RAB27B: variants seen among roughly 807,000 people sequenced by gnomAD.
RAB27B encodes RAB27B, member RAS oncogene family, also known as ras-related protein Rab-27B.
Under a neutral mutation model 24.6 loss-of-function variants are expected in RAB27B, and 15 were observed. The ratio of observed to expected loss-of-function variants is 0.61; its 90% CI spans 0.41 to 0.94. The LOEUF (loss-of-function observed/expected upper bound fraction) is 0.94. Among genes scored for constraint, RAB27B ranks in the 40% least tolerant of loss-of-function variants. The pLI is 0.00. For missense variants in RAB27B, 261 were observed against 266.8 expected (o/e 0.98, Z 0.15); for synonymous variants, 105 against 92.5 (o/e 1.14, Z -0.78).
chr18:54,775,375 T>A (rs914830779), intron 2 of RAB27B, among the ~76,000 whole-genome samples: 1 of 152,204 alleles, frequency 6.6e-6, no homozygotes, highest in African/African-American at 2.4e-5. Flanking sequence ...CAGGGTAGAT[T>A]TCTTGGCCTA....
At chr18:54,862,578 C>T (rs1912050796) in intron 1 of RAB27B, among the ~76,000 whole-genome samples, 2 of 152,200 alleles carry the variant, frequency 1.3e-5, no homozygotes, top group African/African-American at 4.8e-5. Context: ...TGCTCTTCTG[C>T]TGATTCCTAC....
chr18:54,884,252 T>C, intron 3 of RAB27B, 81 bp from the exon 4 acceptor site: 5 of 862,204 alleles, frequency 5.8e-6, no homozygotes, highest in Non-Finnish European at 7.6e-6. Context: ...AATTCATACC[T>C]GAAAGGGAAA....
intron 1 of RAB27B, among the ~76,000 whole-genome samples, chr18:54,871,713 G>A (rs1469392054): frequency 6.6e-6 from 1 of 152,000 alleles, no homozygotes; most frequent in Non-Finnish European, 1.5e-5. Flanking sequence ...GGCCGGGCGT[G>A]GTGGCGGGCA....
Position 54,893,659 on chromosome 18 carries a change from A to G in RAB27B, c.*4246A>G, listed in dbSNP as rs1419785523. On this transcript the variant is annotated 3_prime_UTR_variant, in exon 6 of 6. Coordinates refer to ENST00000262094, the MANE Select transcript of RAB27B (RefSeq NM_004163.4). Reference sequence around the variant, plus strand: ...ATTTCAATGCTTTATAAATCCATGAAGCTGCTTGTCTCATAAAGTAGAACT... The same window carrying G: ...ATTTCAATGCTTTATAAATCCATGAGGCTGCTTGTCTCATAAAGTAGAACT... The G allele has an allele frequency of 6.6e-6, 1 of 151,974 alleles. No individual in the cohort carries two copies. Among genetic ancestry groups the G allele is most frequent in the Non-Finnish European group, 1.5e-5 (1 of 67,926 alleles). 9.4% of individuals were successfully genotyped at this position (151,974 alleles called of 1,614,324 possible). A position where few individuals can be genotyped will look rare whatever the true frequency, so the allele number is the denominator to read the frequency against.
chr18:54,799,013 A>C (rs948486659), intron 2 of RAB27B, among the ~76,000 whole-genome samples: 5 of 152,210 alleles, frequency 3.3e-5, no homozygotes, highest in Non-Finnish European at 7.3e-5. Flanking sequence ...CTTTTATTCA[A>C]ATTTTCTGGC....
chr18:54,808,002 A>G (rs1352222411), intron 2 of RAB27B, among the ~76,000 whole-genome samples: 1 of 152,204 alleles, frequency 6.6e-6, no homozygotes, highest in East Asian at 1.9e-4. Flanking sequence ...TTAATTTTGC[A>G]CTAATTATGG....
intron 2 of RAB27B, among the ~76,000 whole-genome samples, chr18:54,770,332 G>A (rs1598891587): frequency 1.3e-5 from 2 of 152,078 alleles, no homozygotes; most frequent in East Asian, 3.9e-4. Flanking sequence ...TCCACCTCCT[G>A]TCTGATTGGC....
intron 1 of RAB27B, among the ~76,000 whole-genome samples, chr18:54,871,828 C>T (rs375076621): frequency 5.6e-4 from 70 of 124,212 alleles, no homozygotes; most frequent in Admixed American, 1.9e-3. Flanking sequence ...CCAGCCTGGG[C>T]GACAGAGCAA....
Position 54,767,430 on chromosome 18 carries a change from A to C in RAB27B, c.-20+49289A>C, listed in dbSNP as rs147601526. 3.3e-5 allele frequency among the ~76,000 whole-genome samples: 5 copies of C among 152,322 alleles called. No homozygotes were observed. In the South Asian group the frequency reaches 1.0e-3, roughly 32 times the overall value. Reference sequence around the variant, plus strand: ...ATGGTCATGAGGGTATTTAATTGCCATAGTTATTCAACTGTGTATTTTTGA... The same window carrying C: ...ATGGTCATGAGGGTATTTAATTGCCCTAGTTATTCAACTGTGTATTTTTGA... On this transcript the variant is annotated intron_variant, in intron 2 of 4. Coordinates refer to the RAB27B transcript ENST00000586570.
intron 2 of RAB27B, among the ~76,000 whole-genome samples, chr18:54,733,108 T>G (rs1347058279): frequency 6.6e-6 from 1 of 152,134 alleles, no homozygotes; most frequent in Non-Finnish European, 1.5e-5. Context: ...TGTGGTGGCA[T>G]GATCATAGCT....
At chr18:54,828,157 C>T (rs998162136), upstream of RAB27B, 2 of 152,166 alleles carry the variant, frequency 1.3e-5, no homozygotes, top group Non-Finnish European at 2.9e-5. Context: ...ATGAGACACC[C>T]CCTCGGAGGA....
chr18:54,798,786 A>C (rs1909506084), intron 2 of RAB27B, among the ~76,000 whole-genome samples: 1 of 152,256 alleles, frequency 6.6e-6, no homozygotes, highest in African/African-American at 2.4e-5. Flanking sequence ...ACAATTATTT[A>C]TTTATGACTT....
chr18:54,861,422 G>T (rs746821834), intron 1 of RAB27B, among the ~76,000 whole-genome samples: 3 of 152,172 alleles, frequency 2.0e-5, no homozygotes, highest in Non-Finnish European at 4.4e-5. Flanking sequence ...TTCACTGAGG[G>T]TGGCATATCA....
chr18:54,860,428 T>G (rs1019030764), intron 1 of RAB27B, among the ~76,000 whole-genome samples: 3 of 152,100 alleles, frequency 2.0e-5, no homozygotes, highest in Non-Finnish European at 4.4e-5. Flanking sequence ...ACATTCTACC[T>G]CCAGAACCAC....
chr18:54,851,815 T>C (rs1323914261), intron 1 of RAB27B, among the ~76,000 whole-genome samples: 3 of 152,204 alleles, frequency 2.0e-5, no homozygotes, highest in Non-Finnish European at 4.4e-5. Flanking sequence ...TCTGTGATTG[T>C]GTTAAATTGA....
intron 2 of RAB27B, among the ~76,000 whole-genome samples, chr18:54,748,392 T>C (rs748232298): frequency 3.3e-5 from 5 of 152,318 alleles, no homozygotes; most frequent in Non-Finnish European, 7.3e-5. Flanking sequence ...ATGATATATG[T>C]CACAAATAAT....
intron 1 of RAB27B, among the ~76,000 whole-genome samples, chr18:54,876,260 T>C (rs1912696179): frequency 6.6e-6 from 1 of 152,164 alleles, no homozygotes; most frequent in Non-Finnish European, 1.5e-5. Flanking sequence ...ACCTGGTCTC[T>C]CCCTTGACAT....
intron 2 of RAB27B, among the ~76,000 whole-genome samples, chr18:54,772,616 C>G (rs970958646): frequency 6.6e-6 from 1 of 152,130 alleles, no homozygotes; most frequent in Non-Finnish European, 1.5e-5. Context: ...TAACTAGTTA[C>G]GTTGACTTAA....
At chr18:54,817,281 G>A (rs368343875) in intron 2 of RAB27B, among the ~76,000 whole-genome samples, 8 of 152,266 alleles carry the variant, frequency 5.3e-5, no homozygotes, top group African/African-American at 1.9e-4. Flanking sequence ...GAACATATAA[G>A]ATCAAAGATG....
Sources: gnomAD v4.1 joint callset for allele counts (sites outside exome capture counted in the v4.1 genomes callset) on GRCh38, gnomAD v4.1.1 for gene constraint, MANE v1.5 for transcripts, NCBI Gene and HGNC (gene_info 2026-07-23, HGNC 2026-07-21) for gene names.